ODF2: variants seen among roughly 807,000 people sequenced by gnomAD.
ODF2 encodes outer dense fiber of sperm tails 2.
Under a neutral mutation model 110.2 loss-of-function variants are expected in ODF2, and 47 were observed. The ratio of observed to expected loss-of-function variants is 0.43; its 90% CI spans 0.34 to 0.54. ODF2 has a LOEUF of 0.54. Among genes scored for constraint, ODF2 ranks in the 20% least tolerant of loss-of-function variants. The pLI is 0.03. For missense variants in ODF2, 812 were observed against 1,054.5 expected (o/e 0.77, Z 3.19); for synonymous variants, 352 against 397.7 (o/e 0.89, Z 1.37).
At chr9:128,469,517 G>A (rs996342004) in intron 5 of ODF2, 164 bp downstream of exon 5, 21 of 671,236 alleles carry the variant, frequency 3.1e-5, no homozygotes, top group Non-Finnish European at 5.2e-5. Flanking sequence ...AGCTGGGGCA[G>A]CATGGGATCC....
chr9:128,461,621 G>A (rs558796161), intron 4 of ODF2, among the ~76,000 whole-genome samples: 9 of 152,116 alleles, frequency 5.9e-5, no homozygotes, highest in Admixed American at 5.9e-4. Context: ...GTTTCATCGT[G>A]TTGGCCAGGC....
At chr9:128,497,659 G>A (rs902980690) in intron 18 of ODF2, 1 of 151,184 alleles carries the variant, frequency 6.6e-6, no homozygotes, top group Non-Finnish European at 1.5e-5. Flanking sequence ...AAAAGAGGTG[G>A]GCAAGAGTCC....
At chr9:128,500,122 C>T in exon 21 of ODF2, 2 of 1,614,278 alleles carry the variant, frequency 1.2e-6, no homozygotes, top group Non-Finnish European at 1.7e-6. Flanking sequence ...CTGGAGCAGT[C>T]CGAGAGCACC....
At chr9:128,458,134 C>T (rs1466427119) in intron 2 of ODF2, among the ~76,000 whole-genome samples, 1 of 1,148 alleles carries the variant, frequency 8.7e-4, no homozygotes, top group Admixed American at 0.019. Flanking sequence ...ACCCCCTGGT[C>T]GCTCCAGCCT....
intron 4 of ODF2, among the ~76,000 whole-genome samples, chr9:128,466,671 C>T (rs990472055): frequency 4.8e-5 from 7 of 147,284 alleles, no homozygotes; most frequent in Non-Finnish European, 9.0e-5. Context: ...ATATATTTGT[C>T]ATTTTAAAAA....
At chr9:128,457,043 C>A (rs1309015625) in intron 1 of ODF2, 3 of 1,288,816 alleles carry the variant, frequency 2.3e-6, no homozygotes, top group Non-Finnish European at 3.0e-6. Flanking sequence ...GCACGTCCGC[C>A]GGCGCCTCAG....
At chr9:128,499,222 T>G (rs1332339803) in intron 20 of ODF2, 96 bp downstream of exon 20, 5 of 1,441,598 alleles carry the variant, frequency 3.5e-6, no homozygotes, top group Non-Finnish European at 4.8e-6. Flanking sequence ...ACTGTTTTTG[T>G]GAATATGACA....
chr9:128,472,598 C>A (rs1840302189), intron 6 of ODF2, among the ~76,000 whole-genome samples: 1 of 152,184 alleles, frequency 6.6e-6, no homozygotes, highest in Admixed American at 6.5e-5. Context: ...AAAATCGTAT[C>A]TGAAGATGGT....
At chr9:128,455,205 C>T (rs1409245181), upstream of ODF2, 3 of 1,535,366 alleles carry the variant, frequency 2.0e-6, no homozygotes, top group East Asian at 7.3e-5. Flanking sequence ...AGATGGCGGA[C>T]CAGCAAGGAC....
intron 5 of ODF2, chr9:128,469,556 G>A: frequency 3.4e-6 from 2 of 593,144 alleles, no homozygotes; most frequent in East Asian, 5.7e-5. Context: ...CCTCTCTATT[G>A]AGCATGTAGC....
At chr9:128,461,046 G>A (rs767808108) in exon 4 of ODF2, 68 of 1,614,076 alleles carry the variant, frequency 4.2e-5, no homozygotes, top group Middle Eastern at 3.3e-4. Flanking sequence ...CATCTGCCCG[G>A]CCTGTGGGAT....
At chr9:128,497,414 CGT>C (rs1845726305) in intron 18 of ODF2, 1 of 88,498 alleles carries the variant, frequency 1.1e-5, no homozygotes, top group Non-Finnish European at 2.1e-5. Flanking sequence ...GGTGAAATCC[CGT>C]CTCTACTAAA....
chr9:128,467,281 A>G (rs1056644149), intron 4 of ODF2, among the ~76,000 whole-genome samples: 8 of 151,646 alleles, frequency 5.3e-5, no homozygotes, highest in African/African-American at 1.7e-4. Context: ...AAGTATTTGC[A>G]TATTGAAACA....
intron 4 of ODF2, among the ~76,000 whole-genome samples, chr9:128,468,387 CAG>C (rs1236025550): frequency 6.6e-6 from 1 of 152,128 alleles, no homozygotes. Context: ...TTTTTAGAGA[CAG>C]GGTTTCGCTC....
intron 18 of ODF2, chr9:128,497,435 AAAAAAAAAAAAAT>A (rs1845733883): frequency 1.0e-5 from 1 of 97,880 alleles, no homozygotes; most frequent in African/African-American, 4.9e-5. Flanking sequence ...AAAAAAAAAA[AAAAAAAAAAAAAT>A]ATATATATAT....
exon 5 of ODF2, chr9:128,469,221 A>C (rs1475562416): frequency 6.2e-7 from 1 of 1,614,100 alleles, no homozygotes; most frequent in Non-Finnish European, 8.5e-7. Context: ...CACCATCTTC[A>C]GAAAAGCTGG....
At chr9:128,497,441 AAAAAAATATATATATATATATATAT>A (rs1315799927) in intron 18 of ODF2, 12 of 90,854 alleles carry the variant, frequency 1.3e-4, no homozygotes, top group East Asian at 9.8e-4. Context: ...AAAAAAAAAA[AAAAAAATATATATATATATATATAT>A]ATATATATAT....
At chr9:128,462,814 C>T (rs780631396) in intron 4 of ODF2, among the ~76,000 whole-genome samples, 4 of 151,706 alleles carry the variant, frequency 2.6e-5, no homozygotes, top group Non-Finnish European at 4.4e-5. Context: ...AGGATGGTCT[C>T]GATCTCCTGA....
intron 18 of ODF2, chr9:128,497,446 A>AATATATATATATAT (rs71381765): frequency 1.6e-4 from 7 of 42,586 alleles, no homozygotes; most frequent in African/African-American, 7.5e-4. Flanking sequence ...AAAAAAAAAA[A>AATATATATATATAT]ATATATATAT....
Sources: allele counts gnomAD v4.1 joint callset (sites outside exome capture counted in the v4.1 genomes callset), GRCh38; gene constraint gnomAD v4.1.1; transcripts MANE v1.5; gene names NCBI Gene and HGNC (gene_info 2026-07-23, HGNC 2026-07-21).